Variants in DNMT3B observed in about 807,000 individuals in gnomAD.
The protein encoded by DNMT3B is DNA methyltransferase 3 beta.
A neutral mutation model predicts 120.2 loss-of-function variants in DNMT3B; 37 were observed. The observed-to-expected ratio is 0.31, with a 90% CI of 0.24 to 0.40. The LOEUF is 0.40. Among genes scored for constraint, DNMT3B ranks in the 10% least tolerant of loss-of-function variants. DNMT3B has a pLI of 1.00. For synonymous variants in DNMT3B, 412 were observed against 442.8 expected (o/e 0.93, Z 0.87); for missense variants, 878 against 1,137.3 (o/e 0.77, Z 3.28).
chr20:32,785,467 T>C (rs1979160775), intron 4 of DNMT3B, among the ~76,000 whole-genome samples: 1 of 151,776 alleles, frequency 6.6e-6, no homozygotes, highest in Admixed American at 6.6e-5. Flanking sequence ...ACCTAGGGAG[T>C]CCACCATTTC....
chr20:32,773,783 C>T (rs971845803), intron 1 of DNMT3B, among the ~76,000 whole-genome samples: 3 of 151,420 alleles, frequency 2.0e-5, no homozygotes, highest in Admixed American at 6.6e-5. Context: ...AGGGGCAGGC[C>T]GACACATTCA....
chr20:32,797,807 G>A (rs917721937), intron 14 of DNMT3B, among the ~76,000 whole-genome samples: 6 of 152,020 alleles, frequency 3.9e-5, no homozygotes, highest in Admixed American at 1.3e-4. Flanking sequence ...TTATAAGTGC[G>A]GAGCACCACG....
intron 20 of DNMT3B, among the ~76,000 whole-genome samples, chr20:32,803,837 C>T (rs890344101): frequency 2.0e-5 from 3 of 152,052 alleles, no homozygotes; most frequent in Admixed American, 6.5e-5. Flanking sequence ...AATGTGGTAC[C>T]GCTGAAATCA....
intron 5 of DNMT3B, 88 bp downstream of exon 5, chr20:32,786,715 G>A (rs968799807): frequency 1.3e-6 from 2 of 1,591,038 alleles, no homozygotes; most frequent in Non-Finnish European, 1.7e-6. Flanking sequence ...GTGGCTGGTA[G>A]ATAATCTGTG....
intron 6 of DNMT3B, among the ~76,000 whole-genome samples, chr20:32,787,960 G>T (rs900579110): frequency 6.6e-6 from 1 of 151,944 alleles, no homozygotes; most frequent in Non-Finnish European, 1.5e-5. Context: ...CTCAGTGGGG[G>T]AGTTTTTTGA....
At position 32,786,575 on chromosome 20, in the gene DNMT3B, G is replaced by A. The variant is rs754832933; in HGVS notation, c.380G>A (p.Arg127Gln). 38 of 1,613,830 alleles carry A rather than the reference G, an allele frequency of 2.4e-5. No individual in the cohort carries two copies. Among genetic ancestry groups the A allele is most frequent in the Admixed American group, 3.3e-5 (2 of 60,012 alleles). ...CCTTCCCCACGTTCCACCCGAGGCC[G>A]GCAGGGCCGCAACCATGTGGACGAG... is the stretch of plus-strand genomic sequence containing the variant. ...HRPSPRSTRGRQGRNHVDESP... is the reference protein window; with the variant it reads ...HRPSPRSTRGQQGRNHVDESP... The change falls in exon 5 of 23, where the codon CGG becomes CAG. Residue 127 changes from arginine to glutamine, a missense_variant. By Grantham distance (43) the Arg-to-Gln change is conservative. Coordinates refer to ENST00000328111, the MANE Select transcript of DNMT3B (RefSeq NM_006892.4).
intron 1 of DNMT3B, among the ~76,000 whole-genome samples, chr20:32,768,519 C>T (rs1167548680): frequency 6.6e-6 from 1 of 151,954 alleles, no homozygotes; most frequent in Admixed American, 6.6e-5. Flanking sequence ...TAGAGATAGG[C>T]TCTCGGTATG....
intron 9 of DNMT3B, 139 bp from the exon 10 acceptor site, chr20:32,793,396 AG>A: frequency 1.1e-6 from 1 of 929,176 alleles, no homozygotes; most frequent in Non-Finnish European, 1.7e-6. Context: ...TGAGCCCAGG[AG>A]GCAGAGGTTG....
chr20:32,796,995 C>T (rs6058890), intron 13 of DNMT3B, 126 bp downstream of exon 13: 35,612 of 1,612,540 alleles, frequency 0.022, 542 homozygotes, highest in African/African-American at 0.064. Context: ...TGCACTCTGC[C>T]TCTGGGGCAG....
At position 32,808,985 on chromosome 20, in the gene DNMT3B, G is replaced by A. The variant is rs879315947; in HGVS notation, c.*1082G>A. 1.8e-5 allele frequency: 4 copies of A among 219,122 alleles called. No individual in the cohort carries two copies. Among genetic ancestry groups the A allele is most frequent in the Non-Finnish European group, 3.7e-5 (4 of 109,120 alleles). The allele number at this position is 219,122 out of a possible 1,614,324, so 13.6% of individuals were successfully genotyped here. On this transcript the variant is annotated 3_prime_UTR_variant, in exon 23 of 23. Coordinates refer to ENST00000328111, the MANE Select transcript of DNMT3B (RefSeq NM_006892.4). ...ACTGCAAAGCTCGGTGCTCCCTTTG[G>A]AGATTTTTTAATCCTTTTTTATTCC...
At chr20:32,793,484 CA>C in intron 9 of DNMT3B, 51 bp from the exon 10 acceptor site, 1 of 1,587,312 alleles carries the variant, frequency 6.3e-7, no homozygotes, top group Non-Finnish European at 8.6e-7. Flanking sequence ...GAAAACAGTC[CA>C]TACATTTAAT....
In DNMT3B at chr20:32,802,475, C is replaced by T. The variant is rs376502234; in HGVS notation, c.2231+5C>T. 1.1e-5 allele frequency: 17 copies of T among 1,614,018 alleles called. No individual in the cohort carries two copies. Among genetic ancestry groups the T allele is most frequent in the African/African-American group, 6.7e-5 (5 of 74,930 alleles). ...CAACCTACCCGGGATGAACAGGTAA[C>T]AAAGGGCTCTTAGTGGGTCAGGTAA... is the stretch of plus-strand genomic sequence containing the variant. On this transcript the variant is annotated splice_donor_5th_base_variant and intron_variant, in intron 20 of 22. Transcript: ENST00000328111.
chr20:32,802,966 T>C (rs1258971556), intron 20 of DNMT3B, among the ~76,000 whole-genome samples: 1 of 152,238 alleles, frequency 6.6e-6, no homozygotes, highest in Non-Finnish European at 1.5e-5. Flanking sequence ...GTTGATGTAG[T>C]GACAGCCGTC....
intron 1 of DNMT3B, among the ~76,000 whole-genome samples, chr20:32,768,877 C>T (rs925699548): frequency 6.6e-6 from 1 of 152,190 alleles, no homozygotes; most frequent in Non-Finnish European, 1.5e-5. Flanking sequence ...GACAATGGCA[C>T]TGGAGGAAGA....
chr20:32,807,736 C>T (rs1251197763), intron 22 of DNMT3B, 26 bp from the exon 23 acceptor site: 1 of 1,613,578 alleles, frequency 6.2e-7, no homozygotes, highest in African/African-American at 1.3e-5. Flanking sequence ...TTCTGACTTG[C>T]TGTCTTTTCA....
intron 1 of DNMT3B, among the ~76,000 whole-genome samples, chr20:32,779,493 T>C (rs1394092160): frequency 1.3e-5 from 2 of 152,246 alleles, no homozygotes; most frequent in Non-Finnish European, 2.9e-5. Context: ...CCAGAGGTTA[T>C]AGCCTGCCAA....
intron 3 of DNMT3B, among the ~76,000 whole-genome samples, chr20:32,782,209 A>G (rs1205158521): frequency 6.6e-6 from 1 of 152,190 alleles, no homozygotes; most frequent in African/African-American, 2.4e-5. Context: ...AAGGCATTAA[A>G]TTTGTAGGTG....
At chr20:32,784,118 T>C (rs1050048889) in intron 3 of DNMT3B, among the ~76,000 whole-genome samples, 7 of 152,218 alleles carry the variant, frequency 4.6e-5, no homozygotes, top group Non-Finnish European at 1.0e-4. Flanking sequence ...GGTTTCGCCA[T>C]ATTGGCCAGG....
At chr20:32,767,540 C>T (rs1028014346) in intron 1 of DNMT3B, among the ~76,000 whole-genome samples, 2 of 152,042 alleles carry the variant, frequency 1.3e-5, no homozygotes, top group Non-Finnish European at 2.9e-5. Context: ...TTCCAGTATC[C>T]TCCCACTTCA....
Sources: gnomAD v4.1 joint callset for allele counts (sites outside exome capture counted in the v4.1 genomes callset) on GRCh38, gnomAD v4.1.1 for gene constraint, MANE v1.5 for transcripts, NCBI Gene and HGNC (gene_info 2026-07-23, HGNC 2026-07-21) for gene names.